EXOSC10: variants seen among roughly 807,000 people sequenced by gnomAD.
EXOSC10 encodes the protein exosome complex component 10.
A neutral mutation model predicts 126.6 loss-of-function variants in EXOSC10; 94 were observed. That is an observed-to-expected ratio of 0.74 (90% CI 0.63 to 0.88). The LOEUF (loss-of-function observed/expected upper bound fraction) is 0.88, where lower values mean the gene tolerates loss of function less well. Ranked by LOEUF, EXOSC10 falls within the 40% of genes least tolerant of loss-of-function variation. EXOSC10 has a pLI of 0.00. For missense variants in EXOSC10, 1,041 were observed against 1,100.5 expected (o/e 0.95, Z 0.77); for synonymous variants, 395 against 400.8 (o/e 0.99, Z 0.17).
chr1:11,074,374 G>T, intron 17 of EXOSC10, 48 bp from the exon 18 acceptor site: 1 of 1,319,384 alleles, frequency 7.6e-7, no homozygotes, highest in Non-Finnish European at 1.1e-6. Flanking sequence ...GATCATCTGT[G>T]ACATCAAGAT....
At chr1:11,098,194 G>T (rs1233649057) in intron 1 of EXOSC10, 38 bp from the exon 2 acceptor site, 2 of 1,566,480 alleles carry the variant, frequency 1.3e-6, no homozygotes, top group East Asian at 4.6e-5. Flanking sequence ...TTTACACAGG[G>T]ATCCCCATTC....
chr1:11,098,226 A>T, intron 1 of EXOSC10, 70 bp from the exon 2 acceptor site: 3 of 1,522,386 alleles, frequency 2.0e-6, no homozygotes, highest in Non-Finnish European at 2.6e-6. Context: ...CATTTTTTTG[A>T]TCTATCGTAT....
chr1:11,097,675 G>A (rs1339434483), intron 2 of EXOSC10, among the ~76,000 whole-genome samples: 10 of 151,704 alleles, frequency 6.6e-5, no homozygotes, highest in Non-Finnish European at 1.5e-4. Context: ...GCAGTGAGCC[G>A]AGATCATGCC....
chr1:11,090,664 G>C lies in EXOSC10; in HGVS notation c.648C>G (p.Leu216=), dbSNP rs144136055. ...GTGGGCGTTCCCGCCTTTCCTTAGA[G>C]AGAGCTGGGGATCCCAGCAGTGACA... The part of the protein sequence containing the change: ...PNAQKPLPQA[L]SKERRERPQD... Residue 216 remains leucine (L), a synonymous_variant, in exon 6 of 25, where the codon CTC becomes CTG. Transcript: ENST00000376936. The C allele has an allele frequency of 3.3e-3, 5,298 of 1,604,794 alleles. 72 individuals are homozygous for C. Among genetic ancestry groups the C allele is most frequent in the South Asian group, 8.6e-3 (781 of 90,310 alleles).
chr1:11,095,880 T>A lies in EXOSC10; in HGVS notation c.250A>T (p.Met84Leu), dbSNP rs1375555193. 1.2e-6 allele frequency: 2 copies of A among 1,610,546 alleles called. No homozygotes were observed. The highest frequency in any genetic ancestry group is 1.7e-6 in the Non-Finnish European group (2 of 1,177,632). Reference protein sequence around the residue: ...ETQGDRLLQCMSRVMQYHGCR... With the variant: ...ETQGDRLLQCLSRVMQYHGCR... ...CCATGGTACTGCATTACTCTGCTCA[T>A]GCTAAGGAAAGGAAAACCAAGGTTA... Residue 84 changes from methionine (M) to leucine (L), a missense_variant and splice_region_variant, in exon 3 of 25, where the codon ATG (methionine) becomes TTG (leucine). Physicochemically the swap from Met to Leu is conservative, Grantham distance 15. Around this residue, in one of 3 missense-constraint regions of EXOSC10, gnomAD observed 645 missense variants for 656.3 expected, o/e 0.98. Transcript: ENST00000376936.
intron 22 of EXOSC10, 116 bp from the exon 23 acceptor site, chr1:11,068,822 C>T (rs958536844): frequency 1.2e-6 from 1 of 813,932 alleles, no homozygotes; most frequent in African/African-American, 1.7e-5. Flanking sequence ...GTGAGAGCAC[C>T]CCTGTCACGA....
Position 11,066,705 on chromosome 1 carries a change from G to T in EXOSC10, c.*13C>A. On this transcript the variant is annotated 3_prime_UTR_variant, in exon 25 of 25. Transcript: ENST00000376936. ...GGTGCTTCCGGTCCACAGGCGCCAC[G>T]TGTCTTCCAGGACTATCTCTGTGGC... 6.2e-7 allele frequency: 1 copy of T among 1,614,052 alleles called. No homozygotes were observed. Among genetic ancestry groups the T allele is most frequent in the South Asian group, 1.1e-5 (1 of 91,082 alleles).
chr1:11,077,013 T>C lies in EXOSC10; in HGVS notation c.1880-65A>G, dbSNP rs1411299395. 4 of 1,341,292 alleles carry C rather than the reference T, an allele frequency of 3.0e-6. No homozygotes were observed. In the South Asian group the frequency reaches 4.7e-5, roughly 16 times the overall value. The allele number at this position is 1,341,292 out of a possible 1,614,324, so 83.1% of individuals were successfully genotyped here. On this transcript the variant is annotated intron_variant, in intron 16 of 24. Transcript: ENST00000376936. ...TTTTGTTTATTTTTTCTTTTTGAGA[T>C]GGAGTTTTAGTGTAGTCCCCTAGGC...
At chr1:11,086,487 T>C (rs2100208245) in intron 9 of EXOSC10, among the ~76,000 whole-genome samples, 1 of 150,802 alleles carries the variant, frequency 6.6e-6, no homozygotes, top group East Asian at 2.0e-4. Flanking sequence ...TCATTTTTTA[T>C]TGCGTCTATT....
At chr1:11,082,287 T>C (rs1640212900) in intron 10 of EXOSC10, among the ~76,000 whole-genome samples, 2 of 151,828 alleles carry the variant, frequency 1.3e-5, no homozygotes, top group Admixed American at 1.3e-4. Flanking sequence ...TAAACAACAG[T>C]GTCCCTTAGA....
chr1:11,068,531 A>G, intron 23 of EXOSC10, 114 bp downstream of exon 23: 1 of 811,388 alleles, frequency 1.2e-6, no homozygotes, highest in Non-Finnish European at 2.1e-6. Context: ...AAATGAGGTG[A>G]GGAAAAAGAT....
At chr1:11,077,179 T>C (rs1570805437) in intron 16 of EXOSC10, 186 bp downstream of exon 16, 6 of 645,388 alleles carry the variant, frequency 9.3e-6, no homozygotes, top group South Asian at 5.7e-5. Context: ...TTAGTAGAGA[T>C]GGGGTTTCAC....
chr1:11,086,492 T>C (rs1640501148), intron 9 of EXOSC10, among the ~76,000 whole-genome samples: 1 of 149,852 alleles, frequency 6.7e-6, no homozygotes, highest in Admixed American at 6.7e-5. Flanking sequence ...TTTTATTGCG[T>C]CTATTTGATT....
At chr1:11,081,387 CATTTTAACATGATAAACCATT>C (rs1640159724) in intron 10 of EXOSC10, 149 bp from the exon 11 acceptor site, 1 of 849,742 alleles carries the variant, frequency 1.2e-6, no homozygotes, top group Admixed American at 2.8e-5. Context: ...ACATTTCCTG[CATTTTAACATGATAAACCATT>C]ATTTTAACAG....
At position 11,099,825 on chromosome 1, in the gene EXOSC10, G is replaced by C. The variant is rs751321919; in HGVS notation, c.7C>G (p.Pro3Ala). Reference sequence around the variant, plus strand: ...ACCCTGGGCTCCCGGGTACTGGGTGGCGCCATTTTTTCAGCCTGCACGGCT... The same window carrying C: ...ACCCTGGGCTCCCGGGTACTGGGTGCCGCCATTTTTTCAGCCTGCACGGCT... MA[P>A]PSTREPRVLS... Residue 3 changes from proline to alanine, a missense_variant, in exon 1 of 25, where the codon CCA (proline) becomes GCA (alanine). Pro to Ala is a conservative substitution (Grantham distance 27, BLOSUM62 -1). Coordinates refer to ENST00000376936, the MANE Select transcript of EXOSC10 (RefSeq NM_001001998.3). The C allele has an allele frequency of 1.9e-6, 3 of 1,605,446 alleles. No individual in the cohort carries two copies. The South Asian group carries it at 3.3e-5, about 18-fold the overall frequency.
At chr1:11,094,341 C>G (rs976981281) in intron 3 of EXOSC10, among the ~76,000 whole-genome samples, 1 of 150,660 alleles carries the variant, frequency 6.6e-6, no homozygotes, top group African/African-American at 2.4e-5. Context: ...GATGCCCAGG[C>G]TGGAGTGCAA....
chr1:11,082,078 T>C (rs1023925161), intron 10 of EXOSC10, among the ~76,000 whole-genome samples: 4 of 133,832 alleles, frequency 3.0e-5, no homozygotes, highest in African/African-American at 1.2e-4. Context: ...AAACTGCATC[T>C]CAAAAAAAAA....
intron 19 of EXOSC10, 181 bp from the exon 20 acceptor site, chr1:11,072,352 C>T: frequency 1.8e-6 from 1 of 551,966 alleles, no homozygotes. Flanking sequence ...GCTAAAATCC[C>T]TATTAAGGAC....
chr1:11,090,772 G>C, intron 5 of EXOSC10, 104 bp from the exon 6 acceptor site: 2 of 900,404 alleles, frequency 2.2e-6, no homozygotes, highest in Non-Finnish European at 3.4e-6. Flanking sequence ...TTTTTTTTGA[G>C]ACAGGGTCAT....
Sources: gnomAD v4.1 joint callset for allele counts (sites outside exome capture counted in the v4.1 genomes callset) on GRCh38, gnomAD v4.1.1 for gene constraint, gnomAD v4.1.1 regional missense constraint, MANE v1.5 for transcripts, NCBI Gene and HGNC (gene_info 2026-07-23, HGNC 2026-07-21) for gene names.